RC3H1: variants seen among roughly 807,000 people sequenced by gnomAD.
The protein encoded by RC3H1 is ring finger and CCCH-type domains 1.
In RC3H1, 50 loss-of-function variants were observed where a neutral mutation model predicts 138.2. That is an observed-to-expected ratio of 0.36 (90% CI 0.29 to 0.46). RC3H1 has a LOEUF of 0.46. Among genes scored for constraint, RC3H1 ranks in the 20% least tolerant of loss-of-function variants. The probability of loss-of-function intolerance (pLI) is 1.00; values close to 1 mark genes in which losing one functional copy is unlikely to be tolerated. For synonymous variants in RC3H1, 462 were observed against 489.1 expected (o/e 0.94, Z 0.73); for missense variants, 1,031 against 1,388.1 (o/e 0.74, Z 4.09).
At chr1:173,938,921 T>A in intron 19 of RC3H1, 50 bp from the exon 20 acceptor site, 1 of 1,414,682 alleles carries the variant, frequency 7.1e-7, no homozygotes, top group Non-Finnish European at 9.7e-7. Context: ...AAATGATTAC[T>A]ACAATAAAAT....
intron 1 of RC3H1, among the ~76,000 whole-genome samples, chr1:174,001,166 G>A (rs917824879): frequency 1.3e-5 from 2 of 152,104 alleles, no homozygotes; most frequent in Admixed American, 1.3e-4. Flanking sequence ...CTTTTTCAGC[G>A]TTCAGAGGCA....
rs1387181080 is a variant in RC3H1, at chr1:173,933,840, G to C, written c.*4881C>G. ...AGTAAAATTTGCTTTAGTTTAGTAG[G>C]TCTAATTTTTCTTAAAAGGATAGGC... On this transcript the variant is annotated 3_prime_UTR_variant, in exon 20 of 20. Coordinates refer to ENST00000367696, the MANE Select transcript of RC3H1 (RefSeq NM_172071.4). 1 of 152,132 alleles carries C rather than the reference G, an allele frequency of 6.6e-6. No homozygotes were observed. The highest frequency in any genetic ancestry group is 1.5e-5 in the Non-Finnish European group (1 of 67,996). 9.4% of individuals were successfully genotyped at this position (152,132 alleles called of 1,614,324 possible). A position where few individuals can be genotyped will look rare whatever the true frequency, so the allele number is the denominator to read the frequency against.
intron 8 of RC3H1, among the ~76,000 whole-genome samples, chr1:173,970,883 A>C (rs549200704): frequency 6.6e-6 from 1 of 152,266 alleles, no homozygotes; most frequent in Admixed American, 6.5e-5. Context: ...ATTCTTGAAT[A>C]AATCTCATGG....
chr1:174,010,666 G>A (rs577936000), intron 1 of RC3H1, among the ~76,000 whole-genome samples: 22 of 143,400 alleles, frequency 1.5e-4, no homozygotes, highest in African/African-American at 2.4e-4. Flanking sequence ...CTCCTGCCTC[G>A]GCCTCCCAGT....
chr1:173,984,088 C>T (rs1660927528), intron 3 of RC3H1, among the ~76,000 whole-genome samples: 2 of 152,188 alleles, frequency 1.3e-5, no homozygotes, highest in Non-Finnish European at 2.9e-5. Context: ...ATTATACCGC[C>T]TATAGCATAG....
chr1:173,976,507 C>A (rs1660592793), intron 7 of RC3H1, among the ~76,000 whole-genome samples: 1 of 150,886 alleles, frequency 6.6e-6, no homozygotes, highest in Admixed American at 6.6e-5. Flanking sequence ...GAACTGAGAA[C>A]TGACTTTTGG....
intron 2 of RC3H1, among the ~76,000 whole-genome samples, chr1:173,989,007 C>T (rs76967327): frequency 0.049 from 7,502 of 152,070 alleles, 621 homozygotes; most frequent in African/African-American, 0.17. Flanking sequence ...TTTTTGCTTT[C>T]TTGTTGGTAT....
intron 2 of RC3H1, among the ~76,000 whole-genome samples, chr1:173,986,949 T>G (rs761381356): frequency 2.0e-5 from 3 of 152,218 alleles, no homozygotes; most frequent in Non-Finnish European, 4.4e-5. Flanking sequence ...TGAGGAGCAC[T>G]GGTCTGGTAT....
chr1:173,953,577 G>A (rs1659508273), intron 13 of RC3H1, among the ~76,000 whole-genome samples: 1 of 152,044 alleles, frequency 6.6e-6, no homozygotes, highest in African/African-American at 2.4e-5. Flanking sequence ...GGCCAAGAGT[G>A]CTCCTTTTTT....
At chr1:173,957,014 A>G (rs1659679175) in intron 13 of RC3H1, among the ~76,000 whole-genome samples, 1 of 152,020 alleles carries the variant, frequency 6.6e-6, no homozygotes, top group Non-Finnish European at 1.5e-5. Context: ...GCTGGGTTCA[A>G]GCAATTCTCC....
intron 1 of RC3H1, among the ~76,000 whole-genome samples, chr1:174,011,413 G>A (rs12065194): frequency 0.12 from 18,778 of 151,404 alleles, 3,900 homozygotes; most frequent in African/African-American, 0.43. Context: ...GGTAATTAAT[G>A]TAAAAATTGA....
At chr1:173,942,051 C>G (rs1317706435) in intron 18 of RC3H1, among the ~76,000 whole-genome samples, 2 of 151,370 alleles carry the variant, frequency 1.3e-5, no homozygotes, top group Admixed American at 1.3e-4. Context: ...TCAGCCTGGC[C>G]AACAAGGCGA....
chr1:173,947,352 A>C lies in RC3H1; in HGVS notation c.2737+17T>G. 1 of 1,570,906 alleles carries C rather than the reference A, an allele frequency of 6.4e-7. No homozygotes were observed. Among genetic ancestry groups the C allele is most frequent in the Non-Finnish European group, 8.8e-7 (1 of 1,140,880 alleles). On this transcript the variant is annotated intron_variant, in intron 15 of 19. Transcript: ENST00000367696. ...GATTATGAACCCTTTAGGTCAGCTT[A>C]CCTCTGAGATTCTTACCTGAAATGT...
intron 5 of RC3H1, among the ~76,000 whole-genome samples, chr1:173,981,604 G>A (rs1349896879): frequency 6.6e-6 from 1 of 152,174 alleles, no homozygotes; most frequent in Non-Finnish European, 1.5e-5. Context: ...TGTGGATTAT[G>A]ACTCTTGGGA....
Position 173,936,716 on chromosome 1 carries a change from A to G in RC3H1, c.*2005T>C, listed in dbSNP as rs1357799034. 7.4e-6 allele frequency: 1 copy of G among 134,618 alleles called. No individual in the cohort carries two copies. Among genetic ancestry groups the G allele is most frequent in the Non-Finnish European group, 1.6e-5 (1 of 64,004 alleles). 8.3% of individuals were successfully genotyped at this position (134,618 alleles called of 1,614,324 possible). ...AAAAAGCAAACAAAAGCCAAAAAAA[A>G]AAGAAAAAGCATACATATATATATA... On this transcript the variant is annotated 3_prime_UTR_variant, in exon 20 of 20. Transcript: ENST00000367696.
At chr1:173,942,446 A>AAAAAG (rs1658924675) in intron 18 of RC3H1, among the ~76,000 whole-genome samples, 4 of 149,596 alleles carry the variant, frequency 2.7e-5, no homozygotes, top group African/African-American at 9.9e-5. Flanking sequence ...AAAAAAAAAA[A>AAAAAG]AAAAGAAAAG....
Position 173,952,067 on chromosome 1 carries a change from T to C in RC3H1, c.2442A>G (p.Ser814=). 1 of 1,608,576 alleles carries C rather than the reference T, an allele frequency of 6.2e-7. No homozygotes were observed. Among genetic ancestry groups the C allele is most frequent in the Non-Finnish European group, 8.5e-7 (1 of 1,177,548 alleles). The part of the protein sequence containing the change: ...GNDYSQYSPW[S]CDTIGSYIGT... ...CAATGTAGGAGCCGATGGTGTCACA[T>C]GACCAGGGAGAGTATTGGCTATAAT... Residue 814 remains serine, a synonymous_variant, in exon 14 of 20, where the codon TCA becomes TCG. Coordinates refer to ENST00000367696, the MANE Select transcript of RC3H1 (RefSeq NM_172071.4).
At chr1:173,988,990 G>A (rs1314725403) in intron 2 of RC3H1, among the ~76,000 whole-genome samples, 1 of 152,134 alleles carries the variant, frequency 6.6e-6, no homozygotes, top group Non-Finnish European at 1.5e-5. Context: ...CATTCTGTAG[G>A]TTGTTCTTTT....
At chr1:173,979,778 T>C (rs1250282235) in intron 6 of RC3H1, among the ~76,000 whole-genome samples, 1 of 152,220 alleles carries the variant, frequency 6.6e-6, no homozygotes, top group Non-Finnish European at 1.5e-5. Context: ...AAACTTCCGA[T>C]ACAAGCTCCT....
Sources: gnomAD v4.1 joint callset for allele counts (sites outside exome capture counted in the v4.1 genomes callset) on GRCh38, gnomAD v4.1.1 for gene constraint, MANE v1.5 for transcripts, NCBI Gene and HGNC (gene_info 2026-07-23, HGNC 2026-07-21) for gene names.